The following TRHDE variants were observed in gnomAD, a reference collection of about 807,000 sequenced individuals.
The protein encoded by TRHDE is thyrotropin-releasing hormone-degrading ectoenzyme.
In TRHDE, 72 loss-of-function variants were observed where a neutral mutation model predicts 125.7. The ratio of observed to expected loss-of-function variants is 0.57; its 90% CI spans 0.47 to 0.70. TRHDE has a LOEUF of 0.70. Among genes scored for constraint, TRHDE ranks in the 30% least tolerant of loss-of-function variants. The pLI, the probability that TRHDE is intolerant of heterozygous loss-of-function variation, is 0.00. For synonymous variants in TRHDE, 509 were observed against 509.1 expected (o/e 1.00, Z 0.00); for missense variants, 1,110 against 1,327.1 (o/e 0.84, Z 2.54).
chr12:72,440,467 G>A (rs1054780020), intron 3 of TRHDE, among the ~76,000 whole-genome samples: 1 of 149,706 alleles, frequency 6.7e-6, no homozygotes, highest in African/African-American at 2.5e-5. Context: ...ATTTTTTTTT[G>A]CAAACTGTTT....
chr12:72,404,467 A>C (rs899776985), intron 3 of TRHDE, among the ~76,000 whole-genome samples: 1 of 152,096 alleles, frequency 6.6e-6, no homozygotes, highest in Admixed American at 6.6e-5. Context: ...AAAACAAAAA[A>C]CAAAAACACA....
intron 2 of TRHDE, among the ~76,000 whole-genome samples, chr12:72,351,239 A>G (rs1321516698): frequency 6.6e-6 from 1 of 152,040 alleles, no homozygotes; most frequent in African/African-American, 2.4e-5. Flanking sequence ...CAATGAAAGT[A>G]ATGGATGTCC....
At chr12:72,143,166 C>T (rs1876155326) in intron 2 of TRHDE, among the ~76,000 whole-genome samples, 4 of 152,178 alleles carry the variant, frequency 2.6e-5, no homozygotes, top group Admixed American at 2.6e-4. Flanking sequence ...AAGCACTCAT[C>T]CTGGCCTCTG....
intron 2 of TRHDE, among the ~76,000 whole-genome samples, chr12:72,362,281 T>C (rs1871132238): frequency 6.6e-6 from 1 of 150,534 alleles, no homozygotes; most frequent in Non-Finnish European, 1.5e-5. Flanking sequence ...GGTATCTCAT[T>C]GTGGTTTTCA....
intron 2 of TRHDE, among the ~76,000 whole-genome samples, chr12:72,266,277 TG>T (rs1257157244): frequency 6.6e-6 from 1 of 151,986 alleles, no homozygotes; most frequent in African/African-American, 2.4e-5. Context: ...ATATTTTTCA[TG>T]GTTTGAGAGG....
intron 17 of TRHDE, among the ~76,000 whole-genome samples, chr12:72,654,654 C>T (rs993042466): frequency 1.3e-5 from 2 of 152,116 alleles, no homozygotes; most frequent in Non-Finnish European, 2.9e-5. Context: ...TTGTAGCCAT[C>T]CACCAATTGC....
chr12:72,169,429 C>T (rs577112914), intron 2 of TRHDE, among the ~76,000 whole-genome samples: 14 of 152,256 alleles, frequency 9.2e-5, no homozygotes, highest in Admixed American at 2.6e-4. Flanking sequence ...TATCTGGAGG[C>T]TAGACGTCTC....
At chr12:72,242,760 A>G (rs1878507482) in intron 2 of TRHDE, among the ~76,000 whole-genome samples, 2 of 152,034 alleles carry the variant, frequency 1.3e-5, no homozygotes, top group African/African-American at 4.8e-5. Flanking sequence ...GGTACTACTC[A>G]CTCAAGTAGA....
intron 2 of TRHDE, among the ~76,000 whole-genome samples, chr12:72,154,721 C>A (rs1592461742): frequency 6.6e-6 from 1 of 152,122 alleles, no homozygotes; most frequent in East Asian, 1.9e-4. Flanking sequence ...GAATATTGGC[C>A]CCCACTCTCT....
intron 2 of TRHDE, among the ~76,000 whole-genome samples, chr12:72,188,750 ATAAAT>A (rs1426726060): frequency 1.3e-5 from 2 of 152,272 alleles, no homozygotes; most frequent in Admixed American, 1.3e-4. Context: ...AAAAATCAGA[ATAAAT>A]TAAGCATTTT....
intron 12 of TRHDE, among the ~76,000 whole-genome samples, chr12:72,609,128 G>T (rs60553456): frequency 0.018 from 2,680 of 152,164 alleles, 77 homozygotes; most frequent in African/African-American, 0.061. Context: ...CCTTTGTCTG[G>T]CATCGTTTGT....
At chr12:72,542,594 G>A (rs1869211384) in intron 7 of TRHDE, among the ~76,000 whole-genome samples, 1 of 151,270 alleles carries the variant, frequency 6.6e-6, no homozygotes, top group African/African-American at 2.4e-5. Flanking sequence ...TTAAATTGAA[G>A]TAATTTTAAA....
intron 2 of TRHDE, among the ~76,000 whole-genome samples, chr12:72,335,295 G>A (rs535372654): frequency 4.4e-4 from 67 of 152,240 alleles, no homozygotes; most frequent in Admixed American, 2.0e-3. Context: ...TTACTGCAAA[G>A]GCTTTATATC....
In TRHDE at chr12:72,314,552, C is replaced by A. The variant is rs907772921; in HGVS notation, c.1188+27598C>A. Among the ~76,000 whole-genome samples, 21 of 152,178 alleles carry A rather than the reference C, an allele frequency of 1.4e-4. 2 individuals carry two copies. In the East Asian group the frequency reaches 3.9e-3, roughly 28 times the overall value. ...AATTAATTTTATTTGCATAAAATTGCTACTGTTTCAAACCAGTGTCACTGA... is the reference window on the plus strand; with the variant it reads ...AATTAATTTTATTTGCATAAAATTGATACTGTTTCAAACCAGTGTCACTGA... On this transcript the variant is annotated intron_variant, in intron 2 of 18. Coordinates refer to ENST00000261180, the MANE Select transcript of TRHDE (RefSeq NM_013381.3).
chr12:72,234,886 TAA>T (rs1424191990), intron 2 of TRHDE, among the ~76,000 whole-genome samples: 1 of 152,188 alleles, frequency 6.6e-6, no homozygotes, highest in Non-Finnish European at 1.5e-5. Context: ...TAACATTTAT[TAA>T]GTCTTTGCAA....
intron 1 of TRHDE, among the ~76,000 whole-genome samples, chr12:72,104,751 A>G (rs546261214): frequency 5.7e-4 from 87 of 152,320 alleles, no homozygotes; most frequent in Non-Finnish European, 1.0e-3. Flanking sequence ...ATGCCACACT[A>G]TTAACAGTTA....
intron 3 of TRHDE, among the ~76,000 whole-genome samples, chr12:72,408,756 A>T (rs2135811600): frequency 6.6e-6 from 1 of 152,346 alleles, no homozygotes; most frequent in Admixed American, 6.5e-5. Context: ...TGAAAGTAAA[A>T]ACTCAATAGA....
chr12:72,335,461 A>G (rs1017324564), intron 2 of TRHDE, among the ~76,000 whole-genome samples: 60 of 152,156 alleles, frequency 3.9e-4, no homozygotes, highest in African/African-American at 1.4e-3. Context: ...AGGAACCAAA[A>G]CGAGACATTT....
intron 2 of TRHDE, among the ~76,000 whole-genome samples, chr12:72,138,323 C>A (rs753768030): frequency 1.3e-5 from 2 of 151,918 alleles, no homozygotes; most frequent in African/African-American, 4.8e-5. Flanking sequence ...TGCAGTGAGT[C>A]GAGATCACAC....
Sources: allele counts gnomAD v4.1 joint callset (sites outside exome capture counted in the v4.1 genomes callset), GRCh38; gene constraint gnomAD v4.1.1; transcripts MANE v1.5; gene names NCBI Gene and HGNC (gene_info 2026-07-23, HGNC 2026-07-21).